Variants in IMMP2L observed in about 807,000 individuals in gnomAD.
IMMP2L encodes the protein mitochondrial inner membrane protease subunit 2.
In IMMP2L, 18 loss-of-function variants were observed where a neutral mutation model predicts 19.3. The observed-to-expected ratio is 0.93, with a 90% CI of 0.64 to 1.38. The LOEUF is 1.38. Among genes scored for constraint, IMMP2L ranks in the 40% most tolerant of loss-of-function variants. IMMP2L has a pLI of 0.00. For synonymous variants in IMMP2L, 76 were observed against 73.0 expected (o/e 1.04, Z -0.21); for missense variants, 233 against 218.2 (o/e 1.07, Z -0.43).
At chr7:111,215,164 G>GA (rs900476615) in intron 3 of IMMP2L, among the ~76,000 whole-genome samples, 38 of 151,964 alleles carry the variant, frequency 2.5e-4, no homozygotes, top group African/African-American at 8.7e-4. Context: ...ATATGTACAA[G>GA]AAAAAAACAA....
chr7:110,763,781 T>A, intron 5 of IMMP2L, among the ~76,000 whole-genome samples: 1 of 152,074 alleles, frequency 6.6e-6, no homozygotes. Flanking sequence ...TGGACAGAAA[T>A]CCTCCTTAAA....
At chr7:111,379,147 T>A (rs746850002) in intron 3 of IMMP2L, among the ~76,000 whole-genome samples, 2 of 148,322 alleles carry the variant, frequency 1.3e-5, no homozygotes, top group African/African-American at 2.5e-5. Flanking sequence ...TTGTACACTG[T>A]AAGAGAAGAC....
chr7:110,931,351 T>G (rs1815463378), intron 4 of IMMP2L, among the ~76,000 whole-genome samples: 1 of 152,196 alleles, frequency 6.6e-6, no homozygotes. Flanking sequence ...TTGAGTATAG[T>G]GTTCAGGTAA....
chr7:111,301,067 A>G (rs886228283), intron 3 of IMMP2L, among the ~76,000 whole-genome samples: 4 of 152,110 alleles, frequency 2.6e-5, no homozygotes, highest in Admixed American at 2.6e-4. Flanking sequence ...TATCAGCAAT[A>G]TTATGAGTGA....
chr7:110,691,491 C>A (rs751534650), intron 5 of IMMP2L, among the ~76,000 whole-genome samples: 9 of 152,056 alleles, frequency 5.9e-5, no homozygotes, highest in Admixed American at 3.9e-4. Context: ...AGCTTCTGCA[C>A]AGCAAAAGAA....
At chr7:111,164,738 A>C (rs1476063596) in intron 3 of IMMP2L, among the ~76,000 whole-genome samples, 4 of 152,068 alleles carry the variant, frequency 2.6e-5, no homozygotes, top group South Asian at 2.1e-4. Flanking sequence ...CAAACATAGC[A>C]TCTGTCAAGT....
At chr7:111,409,203 T>C (rs1199210091) in intron 3 of IMMP2L, among the ~76,000 whole-genome samples, 1 of 151,736 alleles carries the variant, frequency 6.6e-6, no homozygotes, top group Non-Finnish European at 1.5e-5. Context: ...CCATTTAAAG[T>C]TGAAGAAACC....
At chr7:110,928,922 T>C (rs1815173450) in intron 4 of IMMP2L, among the ~76,000 whole-genome samples, 1 of 152,100 alleles carries the variant, frequency 6.6e-6, no homozygotes, top group Non-Finnish European at 1.5e-5. Flanking sequence ...TAGCCACAGA[T>C]TCCTGGTGCT....
In IMMP2L at chr7:110,751,043, C is replaced by A. The variant is rs570033433; in HGVS notation, c.409-87322G>T. 2.0e-5 allele frequency among the ~76,000 whole-genome samples: 3 copies of A among 151,894 alleles called. No individual in the cohort carries two copies. The South Asian group carries it at 6.2e-4, about 32-fold the overall frequency. On this transcript the variant is annotated intron_variant, in intron 5 of 5. Transcript: ENST00000405709. The stretch of plus-strand genomic sequence containing the variant: ...GTTTTCAGAGTGAAAAGAAGATAAA[C>A]CTTTTCAGTAGAATGTCTTGTTTCT...
At chr7:111,082,432 T>C (rs1795960882) in intron 3 of IMMP2L, among the ~76,000 whole-genome samples, 1 of 152,240 alleles carries the variant, frequency 6.6e-6, no homozygotes. Flanking sequence ...CAACGCTTTG[T>C]GAATGCTTGT....
chr7:111,123,191 G>A lies in IMMP2L; in HGVS notation c.240-159626C>T, dbSNP rs1216466055. On this transcript the variant is annotated intron_variant, in intron 3 of 5. Coordinates refer to ENST00000405709, the MANE Select transcript of IMMP2L (RefSeq NM_032549.4). This position sits in a 1 kb window ranked among gnomAD's most constrained non-coding sequence, Gnocchi z 6.4. ...CCTGAAAAATGTCTGTCCGAACTGA[G>A]CAACTTACAAGAACTCTATATTAAT... 6.2e-7 allele frequency: 1 copy of A among 1,613,970 alleles called. No individual in the cohort carries two copies. Among genetic ancestry groups the A allele is most frequent in the South Asian group, 1.1e-5 (1 of 91,080 alleles).
rs560057287 is a variant in IMMP2L at position 111,442,250 on chromosome 7, C to A, written c.239+44988G>T. ...GGGATTCCTTTTTGGGAGCCACTTACCATGCTCCACAAATCAATCTCACAA... is the reference window on the plus strand; with the variant it reads ...GGGATTCCTTTTTGGGAGCCACTTAACATGCTCCACAAATCAATCTCACAA... On this transcript the variant is annotated intron_variant, in intron 3 of 5. Transcript: ENST00000405709. Among the ~76,000 whole-genome samples the A allele has an allele frequency of 4.6e-5, 7 of 151,916 alleles. 1 individual carries two copies. The highest frequency in any genetic ancestry group is 1.5e-4 in the African/African-American group (6 of 41,270).
rs112268724 is a variant in IMMP2L at position 111,231,790 on chromosome 7, A to AG, written c.239+255447_239+255448insC. 3.6e-3 allele frequency among the ~76,000 whole-genome samples: 539 copies of AG among 151,814 alleles called. 4 individuals are homozygous for AG. Among genetic ancestry groups the AG allele is most frequent in the African/African-American group, 0.012 (509 of 41,420 alleles). On this transcript the variant is annotated intron_variant, in intron 3 of 5. Transcript: ENST00000405709. ...ATATGTATTATAATCTTCATAAAAA[A>AG]CTCTATAAGTGTAGGCAATTCGAAT...
chr7:111,231,741 A>G (rs575537802), intron 3 of IMMP2L, among the ~76,000 whole-genome samples: 3 of 152,218 alleles, frequency 2.0e-5, no homozygotes, highest in African/African-American at 7.2e-5. Context: ...CTGAAGTAAC[A>G]TAAAGTCAGA....
At chr7:111,196,268 A>G (rs905744336) in intron 3 of IMMP2L, among the ~76,000 whole-genome samples, 5 of 152,228 alleles carry the variant, frequency 3.3e-5, no homozygotes, top group African/African-American at 4.8e-5. Flanking sequence ...GTTCCCTAAA[A>G]GGAACAAAAT....
chr7:110,824,227 G>A (rs1350809467), intron 5 of IMMP2L, among the ~76,000 whole-genome samples: 1 of 151,926 alleles, frequency 6.6e-6, no homozygotes, highest in African/African-American at 2.4e-5. Flanking sequence ...TATGAAATGA[G>A]ATCTGAATGT....
intron 3 of IMMP2L, among the ~76,000 whole-genome samples, chr7:110,987,684 A>G (rs1321314208): frequency 6.6e-6 from 1 of 152,230 alleles, no homozygotes; most frequent in African/African-American, 2.4e-5. Context: ...TATGAACTGT[A>G]CACTGCCAAC....
At chr7:110,979,184 T>G (rs1032280633) in intron 3 of IMMP2L, among the ~76,000 whole-genome samples, 1 of 152,144 alleles carries the variant, frequency 6.6e-6, no homozygotes, top group African/African-American at 2.4e-5. Context: ...AATATCCACA[T>G]GAATTTATAC....
At chr7:111,478,559 T>TTTTGTTTG (rs3052922) in intron 3 of IMMP2L, among the ~76,000 whole-genome samples, 2,422 of 148,836 alleles carry the variant, frequency 0.016, 49 homozygotes, top group African/African-American at 0.038. Context: ...CATGCCCAGC[T>TTTTGTTTG]TTTGTTTGTT....
Sources: gnomAD v4.1 joint callset for allele counts (sites outside exome capture counted in the v4.1 genomes callset) on GRCh38, gnomAD v4.1.1 for gene constraint, Gnocchi (gnomAD v3.1) non-coding constraint, MANE v1.5 for transcripts, NCBI Gene and HGNC (gene_info 2026-07-23, HGNC 2026-07-21) for gene names.